Variants in RCOR1 observed in about 807,000 individuals in gnomAD.
RCOR1 encodes the protein REST corepressor.
Under a neutral mutation model 64.0 loss-of-function variants are expected in RCOR1, and 12 were observed. The ratio of observed to expected loss-of-function variants is 0.19; its 90% confidence interval spans 0.12 to 0.30. The LOEUF (loss-of-function observed/expected upper bound fraction) is 0.30, where lower values mean the gene tolerates loss of function less well. Ranked by LOEUF, RCOR1 falls within the 10% of genes least tolerant of loss-of-function variation. The pLI is 1.00. For synonymous variants in RCOR1, 279 were observed against 227.2 expected (o/e 1.23, Z -2.05); for missense variants, 502 against 621.2 (o/e 0.81, Z 2.04).
At chr14:102,660,990 TA>T (rs1212213397) in intron 2 of RCOR1, among the ~76,000 whole-genome samples, 2 of 152,126 alleles carry the variant, frequency 1.3e-5, no homozygotes, top group Admixed American at 6.5e-5. Context: ...TAAAGCACTG[TA>T]AAGAGAGAAT....
At chr14:102,617,440 G>A (rs144152130) in intron 2 of RCOR1, among the ~76,000 whole-genome samples, 2 of 152,232 alleles carry the variant, frequency 1.3e-5, no homozygotes, top group East Asian at 3.9e-4. Flanking sequence ...TTACACTTCT[G>A]TTAGGTAAAA....
intron 2 of RCOR1, among the ~76,000 whole-genome samples, chr14:102,630,958 G>C (rs533913307): frequency 6.6e-6 from 1 of 151,994 alleles, no homozygotes; most frequent in African/African-American, 2.4e-5. Context: ...GTAGTCTCAC[G>C]ACCTCTCCTT....
chr14:102,638,353 C>A (rs1031562585), intron 2 of RCOR1, among the ~76,000 whole-genome samples: 11 of 152,104 alleles, frequency 7.2e-5, no homozygotes, highest in African/African-American at 2.2e-4. Flanking sequence ...CGTATTCTTA[C>A]CTTTATAGCG....
chr14:102,673,753 T>C (rs1441225651), intron 2 of RCOR1, among the ~76,000 whole-genome samples: 1 of 152,076 alleles, frequency 6.6e-6, no homozygotes, highest in Non-Finnish European at 1.5e-5. Context: ...GTAGCTGGGA[T>C]TACAGGCATG....
intron 2 of RCOR1, among the ~76,000 whole-genome samples, chr14:102,623,847 G>C (rs919458799): frequency 2.0e-5 from 3 of 151,360 alleles, no homozygotes; most frequent in Non-Finnish European, 4.4e-5. Flanking sequence ...ATGAAGTCAG[G>C]AGATCGAGAC....
intron 2 of RCOR1, among the ~76,000 whole-genome samples, chr14:102,607,786 G>T (rs1893543972): frequency 6.6e-6 from 1 of 152,208 alleles, no homozygotes. Flanking sequence ...GGAGGCTGAG[G>T]CAGGAGAATC....
chr14:102,610,606 A>G (rs540559333), intron 2 of RCOR1, among the ~76,000 whole-genome samples: 1 of 152,194 alleles, frequency 6.6e-6, no homozygotes, highest in African/African-American at 2.4e-5. Flanking sequence ...TCTGTTCCCC[A>G]GGCTGGAGTG....
intron 2 of RCOR1, among the ~76,000 whole-genome samples, chr14:102,616,706 T>C (rs1893769105): frequency 6.6e-6 from 1 of 152,192 alleles, no homozygotes; most frequent in African/African-American, 2.4e-5. Flanking sequence ...CTCACATGGC[T>C]GTGCTTCTCT....
intron 3 of RCOR1, chr14:102,695,284 A>G (rs1221930237): frequency 6.6e-6 from 1 of 152,232 alleles, no homozygotes; most frequent in Non-Finnish European, 1.5e-5. Flanking sequence ...TTCAAGCTAG[A>G]TACAGTATGT....
intron 2 of RCOR1, among the ~76,000 whole-genome samples, chr14:102,652,362 C>T (rs1004318122): frequency 6.6e-6 from 1 of 152,194 alleles, no homozygotes; most frequent in Non-Finnish European, 1.5e-5. Flanking sequence ...TAACAGTGAA[C>T]ACCTTAAGTC....
chr14:102,668,360 A>G (rs1351493180), intron 2 of RCOR1, among the ~76,000 whole-genome samples: 1 of 152,250 alleles, frequency 6.6e-6, no homozygotes, highest in Non-Finnish European at 1.5e-5. Context: ...TATGGAAAGC[A>G]ATTGACCGAA....
chr14:102,594,873 A>G (rs1274498530), intron 2 of RCOR1, among the ~76,000 whole-genome samples: 3 of 151,972 alleles, frequency 2.0e-5, no homozygotes, highest in Admixed American at 1.3e-4. Context: ...TTGTTACCAA[A>G]TTTTCCTAAT....
chr14:102,599,766 TAAA>T, intron 2 of RCOR1, among the ~76,000 whole-genome samples: 1 of 151,438 alleles, frequency 6.6e-6, no homozygotes, highest in Non-Finnish European at 1.5e-5. Flanking sequence ...TAGATCATTG[TAAA>T]AAAAATATGG....
intron 2 of RCOR1, among the ~76,000 whole-genome samples, chr14:102,605,447 AC>A (rs1390227492): frequency 6.6e-6 from 1 of 152,180 alleles, no homozygotes; most frequent in Non-Finnish European, 1.5e-5. Flanking sequence ...TTGGTCAAGG[AC>A]AGTGGTCCCA....
chr14:102,629,991 T>A, intron 2 of RCOR1: 1 of 977,094 alleles, frequency 1.0e-6, no homozygotes, highest in Non-Finnish European at 1.2e-6. Flanking sequence ...CTCCTTATTT[T>A]GTGTAAGGCA....
intron 2 of RCOR1, among the ~76,000 whole-genome samples, chr14:102,634,375 A>C (rs746425755): frequency 1.5e-4 from 22 of 151,542 alleles, no homozygotes; most frequent in South Asian, 6.2e-4. Flanking sequence ...ACCCTGTCTC[A>C]AAAACCAACC....
chr14:102,644,098 G>A (rs1350458201), intron 2 of RCOR1, among the ~76,000 whole-genome samples: 1 of 152,222 alleles, frequency 6.6e-6, no homozygotes, highest in Non-Finnish European at 1.5e-5. Context: ...TTCACATGGT[G>A]GCTGGAGCTG....
intron 8 of RCOR1, among the ~76,000 whole-genome samples, chr14:102,715,045 T>G (rs529516717): frequency 1.3e-5 from 2 of 150,348 alleles, no homozygotes; most frequent in Non-Finnish European, 3.0e-5. Flanking sequence ...ATTACCTGAC[T>G]CCTCCTTGTA....
intron 2 of RCOR1, among the ~76,000 whole-genome samples, chr14:102,618,017 C>A (rs1247980584): frequency 6.8e-6 from 1 of 147,252 alleles, no homozygotes; most frequent in Non-Finnish European, 1.5e-5. Flanking sequence ...TTTCCCCTGC[C>A]AGGCTGGAGT....
Sources: gnomAD v4.1 joint callset for allele counts (sites outside exome capture counted in the v4.1 genomes callset) on GRCh38, gnomAD v4.1.1 for gene constraint, MANE v1.5 for transcripts, NCBI Gene and HGNC (gene_info 2026-07-23, HGNC 2026-07-21) for gene names.